Variants in HM13 observed in about 807,000 individuals in gnomAD.
The protein encoded by HM13 is histocompatibility minor 13, also known as signal peptide peptidase.
HM13 carries 18 observed loss-of-function variants against 50.0 expected under a neutral mutation model. That is an observed-to-expected ratio of 0.36 (90% CI 0.25 to 0.53). HM13 has a LOEUF of 0.53. Ranked by LOEUF, HM13 falls within the 20% of genes least tolerant of loss-of-function variation. The probability of loss-of-function intolerance (pLI) is 0.90; values close to 1 mark genes in which losing one functional copy is unlikely to be tolerated. For missense variants in HM13, 393 were observed against 552.4 expected (o/e 0.71, Z 2.89); for synonymous variants, 197 against 232.6 (o/e 0.85, Z 1.39).
intron 3 of HM13, chr20:31,540,590 G>A (rs935330763): frequency 1.3e-5 from 2 of 151,984 alleles, no homozygotes; most frequent in Admixed American, 6.6e-5. Context: ...GCCTAGGCAG[G>A]GTATTTTGAA....
At chr20:31,537,067 C>T (rs1025152589) in intron 2 of HM13, among the ~76,000 whole-genome samples, 13 of 152,190 alleles carry the variant, frequency 8.5e-5, no homozygotes, top group African/African-American at 3.1e-4. Context: ...CTCATAGAAA[C>T]TATGTGAGCA....
In HM13 at chr20:31,514,735, G is replaced by A; in HGVS notation, c.183+1G>A. ...CTCCGTACGCTGCGCCCGCGGCAAG[G>A]TAGGGTCAGCGGGAAAACCGGGCAC... On this transcript the variant is annotated splice_donor_variant, in intron 1 of 12. Coordinates refer to ENST00000398174, the MANE Select transcript of HM13 (RefSeq NM_178581.3). LOFTEE classifies it high-confidence loss of function. The surrounding 1 kb of genome is among the most constrained non-coding windows in gnomAD (Gnocchi z 4.3). 6.5e-7 allele frequency: 1 copy of A among 1,526,822 alleles called. No homozygotes were observed. Among genetic ancestry groups the A allele is most frequent in the Non-Finnish European group, 8.8e-7 (1 of 1,137,690 alleles). 94.6% of individuals were successfully genotyped at this position (1,526,822 alleles called of 1,614,324 possible). A position where few individuals can be genotyped will look rare whatever the true frequency, so the allele number is the denominator to read the frequency against.
chr20:31,526,183 G>A (rs1982482045), intron 1 of HM13, among the ~76,000 whole-genome samples: 1 of 149,756 alleles, frequency 6.7e-6, no homozygotes. Context: ...TTTAGACGGA[G>A]TCTTGCTGTG....
intron 7 of HM13, among the ~76,000 whole-genome samples, chr20:31,551,163 T>A (rs528715055): frequency 6.6e-6 from 1 of 152,282 alleles, no homozygotes; most frequent in Admixed American, 6.5e-5. Flanking sequence ...CCATTTCAGA[T>A]ATGGGATACT....
At chr20:31,520,208 A>G (rs1000824295) in intron 1 of HM13, among the ~76,000 whole-genome samples, 6 of 152,152 alleles carry the variant, frequency 3.9e-5, no homozygotes, top group Non-Finnish European at 7.3e-5. Flanking sequence ...TAGAGGTTGT[A>G]TCAGTTTACT....
chr20:31,554,555 G>C, intron 7 of HM13, 191 bp from the exon 8 acceptor site: 1 of 527,814 alleles, frequency 1.9e-6, no homozygotes, highest in South Asian at 2.1e-5. Flanking sequence ...GGTGGTGGGC[G>C]CCTGTAGTTC....
At chr20:31,516,246 C>T (rs1427394079) in intron 1 of HM13, among the ~76,000 whole-genome samples, 1 of 152,202 alleles carries the variant, frequency 6.6e-6, no homozygotes, top group Non-Finnish European at 1.5e-5. Context: ...TAAGGCTAGG[C>T]AGCTTGATCT....
chr20:31,555,737 G>A (rs1171194246), intron 8 of HM13, among the ~76,000 whole-genome samples: 2 of 151,792 alleles, frequency 1.3e-5, no homozygotes, highest in Non-Finnish European at 2.9e-5. Context: ...GGGAAGCTGC[G>A]TGGGGAAGAT....
At chr20:31,527,633 A>ATTTTGTTTTTAT (rs951144333) in intron 2 of HM13, 51 bp downstream of exon 2, 6 of 1,252,106 alleles carry the variant, frequency 4.8e-6, no homozygotes, top group African/African-American at 4.5e-5. Flanking sequence ...ACTTTATCTT[A>ATTTTGTTTTTAT]TTTTGTTTTA....
intron 1 of HM13, among the ~76,000 whole-genome samples, chr20:31,515,609 A>G (rs1008937664): frequency 1.3e-5 from 2 of 150,850 alleles, no homozygotes; most frequent in Non-Finnish European, 3.0e-5. Flanking sequence ...CTGCTGGGCC[A>G]CTGTTGGCCC....
chr20:31,559,480 T>C (rs1006415395), intron 8 of HM13, 131 bp from the exon 9 acceptor site: 9 of 878,488 alleles, frequency 1.0e-5, no homozygotes, highest in Middle Eastern at 2.2e-4. Context: ...CTTGAGAGTA[T>C]TGGCCACACC....
At chr20:31,551,637 G>A (rs1434322266) in intron 7 of HM13, among the ~76,000 whole-genome samples, 2 of 152,222 alleles carry the variant, frequency 1.3e-5, no homozygotes, top group African/African-American at 4.8e-5. Flanking sequence ...AATCCGTCAG[G>A]CATGCTAGCA....
At chr20:31,568,375 T>TGTG in intron 12 of HM13, 151 bp downstream of exon 12, 1 of 1,156,084 alleles carries the variant, frequency 8.6e-7, no homozygotes, top group Non-Finnish European at 1.2e-6. Context: ...AGGCAGTGGT[T>TGTG]GCACCGAGCC....
intron 4 of HM13, chr20:31,548,786 C>A: frequency 1.8e-6 from 1 of 557,266 alleles, no homozygotes; most frequent in East Asian, 2.9e-5. Flanking sequence ...TGACACTGTG[C>A]CAGGCTTGTA....
chr20:31,559,484 C>A, intron 8 of HM13, 127 bp from the exon 9 acceptor site: 2 of 900,318 alleles, frequency 2.2e-6, no homozygotes, highest in South Asian at 2.7e-5. Flanking sequence ...AGAGTATTGG[C>A]CACACCCTTG....
chr20:31,554,979 T>A, intron 8 of HM13, 150 bp downstream of exon 8: 1 of 709,568 alleles, frequency 1.4e-6, no homozygotes, highest in South Asian at 1.8e-5. Flanking sequence ...GGTTCCCCCT[T>A]AACATCCGTT....
At chr20:31,547,831 A>C (rs996569607) in intron 4 of HM13, 5 of 937,676 alleles carry the variant, frequency 5.3e-6, no homozygotes, top group African/African-American at 3.2e-5. Context: ...CAGTGGCGCA[A>C]ATATTATGTG....
chr20:31,517,323 C>T (rs901103367), intron 1 of HM13, among the ~76,000 whole-genome samples: 1 of 152,122 alleles, frequency 6.6e-6, no homozygotes, highest in African/African-American at 2.4e-5. Context: ...TTGGGAGGAG[C>T]AGTCTCAGAG....
At chr20:31,517,129 A>G (rs1221794777) in intron 1 of HM13, among the ~76,000 whole-genome samples, 1 of 152,136 alleles carries the variant, frequency 6.6e-6, no homozygotes, top group Non-Finnish European at 1.5e-5. Context: ...AGGAGAGAGA[A>G]GAGTTAGTGT....
Sources: gnomAD v4.1 joint callset for allele counts (sites outside exome capture counted in the v4.1 genomes callset) on GRCh38, gnomAD v4.1.1 for gene constraint, Gnocchi (gnomAD v3.1) non-coding constraint, MANE v1.5 for transcripts, NCBI Gene and HGNC (gene_info 2026-07-23, HGNC 2026-07-21) for gene names.